ACER3: variants seen among roughly 807,000 people sequenced by gnomAD.
ACER3 encodes the protein alkaline ceramidase 3.
A neutral mutation model predicts 48.9 loss-of-function variants in ACER3; 16 were observed. The observed-to-expected ratio is 0.33, with a 90% confidence interval of 0.22 to 0.50. The LOEUF is 0.50. Among genes scored for constraint, ACER3 ranks in the 20% least tolerant of loss-of-function variants. The pLI is 0.98. For synonymous variants in ACER3, 109 were observed against 107.8 expected (o/e 1.01, Z -0.07); for missense variants, 227 against 326.0 (o/e 0.70, Z 2.34).
At chr11:77,009,407 C>T (rs1332204767) in intron 7 of ACER3, among the ~76,000 whole-genome samples, 1 of 152,192 alleles carries the variant, frequency 6.6e-6, no homozygotes, top group Non-Finnish European at 1.5e-5. Context: ...AAACACCTCC[C>T]ACCAGGCCCC....
chr11:76,882,198 G>A (rs186368092), intron 1 of ACER3, among the ~76,000 whole-genome samples: 23 of 151,884 alleles, frequency 1.5e-4, no homozygotes, highest in African/African-American at 5.1e-4. Flanking sequence ...GTAGAGATGG[G>A]GTTTCACCGT....
intron 3 of ACER3, among the ~76,000 whole-genome samples, chr11:76,971,380 A>G (rs1016698181): frequency 6.6e-6 from 1 of 152,058 alleles, no homozygotes; most frequent in African/African-American, 2.4e-5. Context: ...TCTCCACTAA[A>G]AATACAAACA....
intron 1 of ACER3, among the ~76,000 whole-genome samples, chr11:76,886,099 A>G (rs1375284764): frequency 6.6e-6 from 1 of 152,182 alleles, no homozygotes; most frequent in Admixed American, 6.5e-5. Context: ...TGGCTGGAGG[A>G]CTTCTTTAGA....
intron 1 of ACER3, among the ~76,000 whole-genome samples, chr11:76,892,019 T>C (rs1358157888): frequency 6.6e-6 from 1 of 152,242 alleles, no homozygotes; most frequent in Non-Finnish European, 1.5e-5. Flanking sequence ...TCTTGTTTTC[T>C]TTTTTGTCCT....
Position 77,023,913 on chromosome 11 carries a change from A to C in ACER3, c.*3586A>C, listed in dbSNP as rs7950001. Reference sequence around the variant, plus strand: ...ACAGTGAAACCCCGTCTCTACTAAAAATACAAAAAAATTAGTCGGGCATGG... The same window carrying C: ...ACAGTGAAACCCCGTCTCTACTAAACATACAAAAAAATTAGTCGGGCATGG... On this transcript the variant is annotated 3_prime_UTR_variant, in exon 11 of 11. Transcript: ENST00000532485. 0.71 allele frequency: 107,426 copies of C among 150,896 alleles called. 38,597 individuals carry two copies. The highest frequency in any genetic ancestry group is 0.77 in the Non-Finnish European group (51,936 of 67,798). 9.3% of individuals were successfully genotyped at this position (150,896 alleles called of 1,614,324 possible).
At chr11:76,927,709 G>A (rs1426787073) in intron 2 of ACER3, among the ~76,000 whole-genome samples, 2 of 151,972 alleles carry the variant, frequency 1.3e-5, no homozygotes, top group Admixed American at 6.5e-5. Flanking sequence ...AACATGCGGT[G>A]TTTGGTTTTT....
At chr11:77,016,491 TATC>T (rs1295258436) in intron 8 of ACER3, among the ~76,000 whole-genome samples, 181 bp from the exon 9 acceptor site, 1 of 152,184 alleles carries the variant, frequency 6.6e-6, no homozygotes, top group Non-Finnish European at 1.5e-5. Context: ...GACCATAAAT[TATC>T]ATTGTTGAAT....
intron 4 of ACER3, among the ~76,000 whole-genome samples, chr11:76,976,697 G>GCTTACCAGAAAAGTGAGGTACA (rs1353705155): frequency 1.3e-5 from 2 of 152,086 alleles, no homozygotes; most frequent in Non-Finnish European, 2.9e-5. Context: ...TTAACAAGAC[G>GCTTACCAGAAAAGTGAGGTACA]CTTACCAGAA....
chr11:76,932,181 A>G (rs1340665521), intron 2 of ACER3, among the ~76,000 whole-genome samples: 1 of 151,962 alleles, frequency 6.6e-6, no homozygotes, highest in Non-Finnish European at 1.5e-5. Context: ...AACTCCTGAG[A>G]TCAAGCAATC....
chr11:76,876,539 A>G (rs1428023166), intron 1 of ACER3, among the ~76,000 whole-genome samples: 6 of 152,096 alleles, frequency 3.9e-5, no homozygotes, highest in Non-Finnish European at 5.9e-5. Flanking sequence ...CATTTTGTGG[A>G]TATATATTTT....
chr11:76,870,630 G>T (rs988345061), intron 1 of ACER3, among the ~76,000 whole-genome samples: 4 of 152,004 alleles, frequency 2.6e-5, no homozygotes, highest in Non-Finnish European at 5.9e-5. Context: ...TTTCTTTCAT[G>T]GGTGCCATGA....
At chr11:77,007,995 A>G (rs141181984) in intron 7 of ACER3, among the ~76,000 whole-genome samples, 4,889 of 152,340 alleles carry the variant, frequency 0.032, 121 homozygotes, top group South Asian at 0.064. Context: ...ATCATTCCAC[A>G]TTGTATACAT....
chr11:76,952,135 TATATAC>T (rs3047874), intron 2 of ACER3, among the ~76,000 whole-genome samples: 45,890 of 143,200 alleles, frequency 0.32, 8,668 homozygotes, highest in Non-Finnish European at 0.44. Flanking sequence ...ATTATATATA[TATATAC>T]ACACACACAC....
At chr11:76,980,090 A>G (rs1280991920) in intron 4 of ACER3, among the ~76,000 whole-genome samples, 1 of 152,050 alleles carries the variant, frequency 6.6e-6, no homozygotes, top group African/African-American at 2.4e-5. Flanking sequence ...GTGAACCATG[A>G]TTGTGCCACT....
intron 2 of ACER3, among the ~76,000 whole-genome samples, chr11:76,937,467 A>G (rs10751268): frequency 0.57 from 86,838 of 152,076 alleles, 28,000 homozygotes; most frequent in Non-Finnish European, 0.74. Flanking sequence ...ACAGACTTAC[A>G]AAAATTGGTT....
chr11:77,000,302 T>C (rs1417046156), intron 7 of ACER3, among the ~76,000 whole-genome samples: 2 of 152,242 alleles, frequency 1.3e-5, no homozygotes, highest in Non-Finnish European at 2.9e-5. Flanking sequence ...ACAGTTGCTA[T>C]TGTTTTTACA....
chr11:76,963,996 G>A (rs1173716292), intron 3 of ACER3, among the ~76,000 whole-genome samples: 4 of 151,384 alleles, frequency 2.6e-5, no homozygotes, highest in African/African-American at 9.8e-5. Context: ...GCATGTGCGT[G>A]AGCCAAAGCA....
intron 4 of ACER3, among the ~76,000 whole-genome samples, chr11:76,977,555 T>C (rs899277739): frequency 6.6e-6 from 1 of 152,212 alleles, no homozygotes. Context: ...TAAGAATATG[T>C]GTTTGGAGGG....
intron 1 of ACER3, among the ~76,000 whole-genome samples, chr11:76,877,184 G>A (rs1945403325): frequency 6.6e-6 from 1 of 152,124 alleles, no homozygotes; most frequent in Non-Finnish European, 1.5e-5. Flanking sequence ...ATGAAAGCAA[G>A]TAAGTACCTC....
Sources: gnomAD v4.1 joint callset for allele counts (sites outside exome capture counted in the v4.1 genomes callset) on GRCh38, gnomAD v4.1.1 for gene constraint, MANE v1.5 for transcripts, NCBI Gene and HGNC (gene_info 2026-07-23, HGNC 2026-07-21) for gene names.